LPA: variants seen among roughly 807,000 people sequenced by gnomAD.
The protein encoded by LPA is apolipoprotein(a).
In LPA, 199 loss-of-function variants were observed where a neutral mutation model predicts 197.9. The observed-to-expected ratio is 1.01, with a 90% CI of 0.90 to 1.13. The LOEUF is 1.13. LPA is among the 50% of genes most tolerant of loss of function. The pLI, the probability that LPA is intolerant of heterozygous loss-of-function variation, is 0.00. For missense variants in LPA, 1,853 were observed against 1,785.8 expected (o/e 1.04, Z -0.68); for synonymous variants, 715 against 639.5 (o/e 1.12, Z -1.78).
At chr6:160,576,686 GTGTGTATATA>G (rs1383097088) in intron 28 of LPA, among the ~76,000 whole-genome samples, 18 of 122,274 alleles carry the variant, frequency 1.5e-4, no homozygotes, top group African/African-American at 5.2e-4. Context: ...GTGTGTGTGT[GTGTGTATATA>G]TATATATATA....
At position 160,585,052 on chromosome 6, in the gene LPA, G is replaced by T. The variant is rs76144756; in HGVS notation, c.4283C>A (p.Pro1428Gln). The T allele has an allele frequency of 1.9e-6, 3 of 1,613,640 alleles. No individual in the cohort carries two copies. Among genetic ancestry groups the T allele is most frequent in the Non-Finnish European group, 1.7e-6 (2 of 1,179,670 alleles). Residue 1428 changes from proline (P) to glutamine (Q), a missense_variant, in exon 26 of 39, where the codon CCA becomes CAA. This residue lies in a region of LPA where 1,737 missense variants were observed against 1,504.4 expected (regional missense o/e 1.15). Transcript: ENST00000316300. ...HWHRRIPLYYPNAGLTRNYCR... is the reference protein window; with the variant it reads ...HWHRRIPLYYQNAGLTRNYCR... Reference sequence around the variant, plus strand: ...GCTAACATGATAGACATACGCATTTGGATAGTATAATGGGATCCTCCGATG... The same window carrying T: ...GCTAACATGATAGACATACGCATTTTGATAGTATAATGGGATCCTCCGATG...
intron 1 of LPA, among the ~76,000 whole-genome samples, chr6:160,651,243 A>G (rs1780000303): frequency 6.6e-6 from 1 of 152,216 alleles, no homozygotes; most frequent in South Asian, 2.1e-4. Context: ...GTTTATTTCC[A>G]CCAAAGATTG....
Position 160,605,060 on chromosome 6 carries a change from T to C in LPA, c.2931A>G (p.Ala977=). The C allele has an allele frequency of 6.2e-7, 1 of 1,613,822 alleles. No individual in the cohort carries two copies. The highest frequency in any genetic ancestry group is 8.5e-7 in the Non-Finnish European group (1 of 1,179,784). The change falls in exon 18 of 39, where the codon GCA becomes GCG. Residue 977 remains alanine, a synonymous_variant. Coordinates refer to ENST00000316300, the MANE Select transcript of LPA (RefSeq NM_005577.4). ...AATAGACATACGCATTTGGGTAGTA[T>C]GCTGGGGTCCGACTATGCGAGTGTG... The part of the protein sequence containing the change: ...MTPHSHSRTP[A]YYPNAGLIKN...
chr6:160,651,359 G>T (rs1040059160), intron 1 of LPA, among the ~76,000 whole-genome samples: 1 of 152,130 alleles, frequency 6.6e-6, no homozygotes, highest in Admixed American at 6.5e-5. Context: ...TCTAATAATA[G>T]ATAGGAACAC....
At chr6:160,585,228 A>T (rs1449093300) in intron 25 of LPA, 23 bp from the exon 26 acceptor site, 1 of 1,613,472 alleles carries the variant, frequency 6.2e-7, no homozygotes, top group East Asian at 2.2e-5. Context: ...GAGAAAATCA[A>T]GCTCAGTATT....
Position 160,546,526 on chromosome 6 carries a change from T to G in LPA, c.5305-993A>C, listed in dbSNP as rs114481473. On this transcript the variant is annotated intron_variant, in intron 32 of 38. Coordinates refer to ENST00000316300, the MANE Select transcript of LPA (RefSeq NM_005577.4). ...TCTGTGAGCCACTCTAGCAAAGTAA[T>G]CAAACCCATGGAGGGTCATATAGAA... Among the ~76,000 whole-genome samples, 574 of 152,260 alleles carry G rather than the reference T, an allele frequency of 3.8e-3. 6 individuals carry two copies. The highest frequency in any genetic ancestry group is 0.014 in the African/African-American group (565 of 41,560).
At chr6:160,592,004 CT>C (rs1456785507) in intron 22 of LPA, among the ~76,000 whole-genome samples, 1 of 152,212 alleles carries the variant, frequency 6.6e-6, no homozygotes, top group African/African-American at 2.4e-5. Context: ...CAGAGTTTTG[CT>C]CTTTAAAAAT....
At chr6:160,573,888 G>T (rs1167607897) in intron 28 of LPA, among the ~76,000 whole-genome samples, 1 of 152,108 alleles carries the variant, frequency 6.6e-6, no homozygotes, top group Non-Finnish European at 1.5e-5. Context: ...CTCTATTTTT[G>T]TGCTGGTTGG....
At chr6:160,603,565 A>AT (rs985079927) in intron 18 of LPA, among the ~76,000 whole-genome samples, 1 of 151,960 alleles carries the variant, frequency 6.6e-6, no homozygotes, top group African/African-American at 2.4e-5. Flanking sequence ...GATATGTCAA[A>AT]TTTTTTGCCA....
At chr6:160,646,761 A>G (rs1215998994) in intron 2 of LPA, among the ~76,000 whole-genome samples, 44 of 143,552 alleles carry the variant, frequency 3.1e-4, no homozygotes, top group African/African-American at 1.1e-3. Context: ...GTATTGTGGG[A>G]TTGTGTATTC....
chr6:160,606,857 T>C (rs1454975377), intron 16 of LPA, among the ~76,000 whole-genome samples, 199 bp from the exon 17 acceptor site: 2 of 152,054 alleles, frequency 1.3e-5, no homozygotes, highest in South Asian at 2.1e-4. Context: ...TAAAAGATTA[T>C]TATTATAAAA....
chr6:160,577,037 A>C (rs1012272042), intron 28 of LPA, 99 bp downstream of exon 28: 11 of 1,472,254 alleles, frequency 7.5e-6, no homozygotes, highest in African/African-American at 1.4e-5. Flanking sequence ...TGTGAGTCTA[A>C]GAGAAATTTG....
At chr6:160,576,614 T>C (rs1297662012) in intron 28 of LPA, among the ~76,000 whole-genome samples, 1 of 145,448 alleles carries the variant, frequency 6.9e-6, no homozygotes, top group Non-Finnish European at 1.5e-5. Flanking sequence ...AATTTAAATA[T>C]AAGTTTTATA....
chr6:160,653,997 TATATATAATATATATTATATATA>T lies in LPA; in HGVS notation c.50-3523_50-3501del, dbSNP rs1780064161. ...ATAATATATAATATATAATATATAT[TATATATAATATATATTATATATA>T]ATATATAATATATATTATATATAAT... is the stretch of plus-strand genomic sequence containing the variant. On this transcript the variant is annotated intron_variant, in intron 1 of 38. Transcript: ENST00000316300. Among the ~76,000 whole-genome samples the T allele has an allele frequency of 1.6e-3, 17 of 10,840 alleles. 1 individual carries two copies. The highest frequency in any genetic ancestry group is 0.071 in the Middle Eastern group (1 of 14). The allele number at this position is 10,840 out of a possible 152,430, so 7.1% of individuals were successfully genotyped here. A position where few individuals can be genotyped will look rare whatever the true frequency, so the allele number is the denominator to read the frequency against.
chr6:160,546,111 T>C (rs1778066051), intron 32 of LPA, among the ~76,000 whole-genome samples: 1 of 152,178 alleles, frequency 6.6e-6, no homozygotes, highest in Non-Finnish European at 1.5e-5. Context: ...ATGAAGCAAC[T>C]CTTGGTGGGT....
chr6:160,582,380 A>G (rs1442213790), intron 26 of LPA, among the ~76,000 whole-genome samples: 1 of 146,986 alleles, frequency 6.8e-6, no homozygotes, highest in Admixed American at 6.7e-5. Flanking sequence ...TTTCTTTCTT[A>G]CACTCTAAAG....
At chr6:160,565,343 G>T (rs1405535053) in intron 28 of LPA, among the ~76,000 whole-genome samples, 2 of 152,162 alleles carry the variant, frequency 1.3e-5, no homozygotes, top group Non-Finnish European at 2.9e-5. Context: ...GAAGAATCAG[G>T]CAGCAACATT....
intron 22 of LPA, among the ~76,000 whole-genome samples, chr6:160,591,472 C>T (rs1779028986): frequency 1.3e-5 from 2 of 152,202 alleles, no homozygotes; most frequent in Non-Finnish European, 2.9e-5. Context: ...ACAAATGTTT[C>T]TCTGTCTGGC....
intron 18 of LPA, among the ~76,000 whole-genome samples, chr6:160,604,625 C>T (rs1779308661): frequency 6.6e-6 from 1 of 152,130 alleles, no homozygotes; most frequent in African/African-American, 2.4e-5. Flanking sequence ...TTTGCCTCTC[C>T]ATAGATATAC....
Sources: allele counts gnomAD v4.1 joint callset (sites outside exome capture counted in the v4.1 genomes callset), GRCh38; gene constraint gnomAD v4.1.1; regional missense constraint gnomAD v4.1.1; transcripts MANE v1.5; gene names NCBI Gene and HGNC (gene_info 2026-07-23, HGNC 2026-07-21).